The following MGST3 variants were observed in gnomAD, a reference collection of about 807,000 sequenced individuals.
MGST3 encodes microsomal glutathione S-transferase 3, also known as glutathione S-transferase 3, mitochondrial.
In MGST3, 13 loss-of-function variants were observed where a neutral mutation model predicts 15.8. The ratio of observed to expected loss-of-function variants is 0.82; its 90% confidence interval spans 0.54 to 1.31. The LOEUF (loss-of-function observed/expected upper bound fraction) is 1.31. MGST3 is among the 50% of genes most tolerant of loss of function. The pLI, the probability that MGST3 is intolerant of heterozygous loss-of-function variation, is 0.00. For synonymous variants in MGST3, 49 were observed against 68.1 expected (o/e 0.72, Z 1.38); for missense variants, 155 against 192.4 (o/e 0.81, Z 1.15).
At chr1:165,653,562 GAC>G (rs1425426633) in intron 4 of MGST3, 1 of 152,816 alleles carries the variant, frequency 6.5e-6, no homozygotes, top group Non-Finnish European at 1.5e-5. Flanking sequence ...GAGTGGGAAA[GAC>G]ACTGGGGAAG....
intron 1 of MGST3, chr1:165,636,798 AT>A (rs1356412774): frequency 6.6e-6 from 1 of 152,070 alleles, no homozygotes; most frequent in African/African-American, 2.4e-5. Context: ...TCCATTGAGC[AT>A]TGTGTGAGCT....
At chr1:165,643,935 G>T (rs1648327727) in intron 1 of MGST3, among the ~76,000 whole-genome samples, 1 of 151,950 alleles carries the variant, frequency 6.6e-6, no homozygotes, top group Non-Finnish European at 1.5e-5. Context: ...ATGTGTGCCT[G>T]CAGCCCCAGC....
At chr1:165,634,869 C>T (rs1465386825) in intron 1 of MGST3, among the ~76,000 whole-genome samples, 15 of 145,866 alleles carry the variant, frequency 1.0e-4, no homozygotes. Flanking sequence ...CATAGTAGCC[C>T]TGCCCCTTGA....
chr1:165,651,191 G>T, intron 3 of MGST3, 104 bp downstream of exon 3: 1 of 961,148 alleles, frequency 1.0e-6, no homozygotes. Flanking sequence ...CATAGTGATG[G>T]TGACAATCAT....
chr1:165,654,117 C>T, intron 4 of MGST3, 162 bp from the exon 5 acceptor site: 1 of 694,206 alleles, frequency 1.4e-6, no homozygotes, highest in Non-Finnish European at 2.6e-6. Flanking sequence ...TTTTATTTTC[C>T]CGCTGAAACT....
intron 1 of MGST3, chr1:165,646,281 A>AAGTC (rs1648399081): frequency 6.6e-6 from 1 of 152,224 alleles, no homozygotes; most frequent in African/African-American, 2.4e-5. Flanking sequence ...GCACACACAA[A>AAGTC]AGTCACTCTC....
intron 1 of MGST3, among the ~76,000 whole-genome samples, chr1:165,643,548 A>C (rs1285229880): frequency 7.4e-6 from 1 of 135,160 alleles, no homozygotes; most frequent in East Asian, 2.0e-4. Flanking sequence ...GGAAGATCCT[A>C]TCTCTTAAAA....
At chr1:165,637,672 G>A (rs1395454604) in intron 1 of MGST3, among the ~76,000 whole-genome samples, 2 of 152,176 alleles carry the variant, frequency 1.3e-5, no homozygotes, top group African/African-American at 2.4e-5. Context: ...CAACATTTTG[G>A]TATTTGAATA....
chr1:165,634,723 C>T (rs1460002873), intron 1 of MGST3, among the ~76,000 whole-genome samples: 1 of 151,148 alleles, frequency 6.6e-6, no homozygotes, highest in African/African-American at 2.4e-5. Context: ...CTCACTCGTG[C>T]TCTCTCTCAA....
chr1:165,632,567 C>T (rs1211864017), intron 1 of MGST3, among the ~76,000 whole-genome samples: 1 of 152,122 alleles, frequency 6.6e-6, no homozygotes, highest in Non-Finnish European at 1.5e-5. Flanking sequence ...GAAGACTTTC[C>T]GTTAAGCTTC....
At chr1:165,638,002 C>T (rs895786075) in intron 1 of MGST3, among the ~76,000 whole-genome samples, 4 of 152,136 alleles carry the variant, frequency 2.6e-5, no homozygotes, top group South Asian at 2.1e-4. Flanking sequence ...CTAATCTACC[C>T]CTGAAAACCT....
intron 3 of MGST3, chr1:165,651,674 T>G (rs1005657016): frequency 2.2e-4 from 78 of 357,650 alleles, no homozygotes; most frequent in African/African-American, 1.5e-3. Context: ...GAGGCCGAGG[T>G]GGGTGGATCA....
intron 1 of MGST3, 157 bp from the exon 2 acceptor site, chr1:165,649,684 T>C (rs1648501646): frequency 1.2e-6 from 1 of 814,904 alleles, no homozygotes; most frequent in Non-Finnish European, 2.0e-6. Flanking sequence ...TATGGTACTG[T>C]CTTTGATGAC....
intron 2 of MGST3, chr1:165,650,719 A>G (rs534614498): frequency 4.8e-6 from 2 of 420,158 alleles, no homozygotes; most frequent in Admixed American, 3.5e-5. Context: ...GAAATCCACC[A>G]TTGATGCTTA....
At chr1:165,653,146 T>C (rs1223974393) in intron 4 of MGST3, among the ~76,000 whole-genome samples, 1 of 152,196 alleles carries the variant, frequency 6.6e-6, no homozygotes, top group Non-Finnish European at 1.5e-5. Flanking sequence ...CTTGTATCTC[T>C]TAGAAAATGT....
chr1:165,632,755 C>G (rs779497014), intron 1 of MGST3, among the ~76,000 whole-genome samples: 1 of 152,124 alleles, frequency 6.6e-6, no homozygotes, highest in Non-Finnish European at 1.5e-5. Context: ...ATTTAGATTT[C>G]TTCCTGTTGG....
chr1:165,649,853 T>C lies in MGST3; in HGVS notation c.6T>C (p.Ala2=). The C allele has an allele frequency of 6.2e-7, 1 of 1,614,120 alleles. No individual in the cohort carries two copies. Among genetic ancestry groups the C allele is most frequent in the Non-Finnish European group, 8.5e-7 (1 of 1,180,034 alleles). The change falls in exon 2 of 6, where the codon GCT becomes GCC. Residue 2 remains alanine, a synonymous_variant. Transcript: ENST00000367889. ...CTTTCTTCCACAGACGCAAGATGGC[T>C]GTCCTCTCTAAGGAATATGGTTTTG... M[A]VLSKEYGFVL...
intron 3 of MGST3, 183 bp from the exon 4 acceptor site, chr1:165,651,795 T>C: frequency 1.9e-6 from 1 of 535,818 alleles, no homozygotes; most frequent in Non-Finnish European, 3.3e-6. Flanking sequence ...CTCAGGAAGC[T>C]GAGGCATGAG....
chr1:165,634,390 T>C (rs1472724993), intron 1 of MGST3, among the ~76,000 whole-genome samples: 1 of 152,148 alleles, frequency 6.6e-6, no homozygotes, highest in African/African-American at 2.4e-5. Flanking sequence ...AGGATCTAAA[T>C]GAGTTAATAC....
Sources: gnomAD v4.1 joint callset for allele counts (sites outside exome capture counted in the v4.1 genomes callset) on GRCh38, gnomAD v4.1.1 for gene constraint, MANE v1.5 for transcripts, NCBI Gene and HGNC (gene_info 2026-07-23, HGNC 2026-07-21) for gene names.